Variants in C10orf90 observed in about 807,000 individuals in gnomAD.
C10orf90 encodes (E2-independent) E3 ubiquitin-conjugating enzyme FATS.
A neutral mutation model predicts 62.5 loss-of-function variants in C10orf90; 56 were observed. That is an observed-to-expected ratio of 0.90 (90% CI 0.72 to 1.12). The LOEUF is 1.12. Among genes scored for constraint, C10orf90 ranks in the 50% most tolerant of loss-of-function variants. The pLI is 0.00. For synonymous variants in C10orf90, 386 were observed against 340.4 expected, an observed-to-expected ratio of 1.13 and a Z score of -1.47; for missense variants, 970 against 880.4, an observed-to-expected ratio of 1.10 and a Z score of -1.29.
At chr10:126,588,922 A>G (rs1564884041) in intron 2 of C10orf90, among the ~76,000 whole-genome samples, 1 of 152,250 alleles carries the variant, frequency 6.6e-6, no homozygotes, top group African/African-American at 2.4e-5. Flanking sequence ...CTAAAGGAGC[A>G]TGTTGTAACC....
In C10orf90 at chr10:126,504,318, G is replaced by C. The variant is rs1862581714; in HGVS notation, c.1173C>G (p.Leu391=). 1.2e-6 allele frequency: 2 copies of C among 1,614,172 alleles called. No homozygotes were observed. Among genetic ancestry groups the C allele is most frequent in the Non-Finnish European group, 1.7e-6 (2 of 1,180,038 alleles). The change falls in exon 4 of 10, where the codon CTC becomes CTG. Residue 391 remains leucine, a synonymous_variant. Transcript: ENST00000488181. The surrounding 1 kb of genome is among the most constrained non-coding windows in gnomAD (Gnocchi z 4.1). ...CTGTTAATCTGTGGGAACTACAATT[G>C]AGGTTGAGCGACAGGACGGATCTGT... is the stretch of plus-strand genomic sequence containing the variant. ...KMHRSVLSLN[L]NCSSHRLTAD... is the part of the protein sequence containing the mutation.
intron 4 of C10orf90, 51 bp downstream of exon 4, chr10:126,503,906 T>C (rs1468289774): frequency 6.5e-7 from 1 of 1,550,306 alleles, no homozygotes; most frequent in Non-Finnish European, 8.7e-7. Context: ...ACAGTCACCT[T>C]GCTAGGACAT....
intron 4 of C10orf90, among the ~76,000 whole-genome samples, chr10:126,489,667 G>A (rs970700898): frequency 2.6e-5 from 4 of 151,894 alleles, no homozygotes; most frequent in Non-Finnish European, 4.4e-5. Flanking sequence ...CAGAATAACA[G>A]TTCCTCAAAA....
At chr10:126,637,555 G>A (rs988783812) in intron 2 of C10orf90, among the ~76,000 whole-genome samples, 10 of 152,198 alleles carry the variant, frequency 6.6e-5, no homozygotes, top group African/African-American at 1.9e-4. Context: ...GCACAGCAGG[G>A]GAGAGAAAGG....
intron 1 of C10orf90, among the ~76,000 whole-genome samples, chr10:126,665,927 G>T (rs1360166591): frequency 6.6e-6 from 1 of 152,144 alleles, no homozygotes; most frequent in Non-Finnish European, 1.5e-5. Flanking sequence ...ACCAAGAAAA[G>T]AACTTCCAGA....
chr10:126,624,061 A>C (rs375664292), intron 2 of C10orf90, among the ~76,000 whole-genome samples: 27 of 152,226 alleles, frequency 1.8e-4, no homozygotes, highest in African/African-American at 6.5e-4. Context: ...TCAGAATCCA[A>C]CTGGGGCCTA....
At chr10:126,637,907 T>A (rs1256145843) in intron 2 of C10orf90, among the ~76,000 whole-genome samples, 4 of 152,036 alleles carry the variant, frequency 2.6e-5, no homozygotes, top group African/African-American at 9.7e-5. Flanking sequence ...ATGAGGAAGG[T>A]ACAGTTGGGC....
intron 2 of C10orf90, among the ~76,000 whole-genome samples, chr10:126,622,333 C>T (rs942664541): frequency 6.6e-6 from 1 of 152,072 alleles, no homozygotes; most frequent in Non-Finnish European, 1.5e-5. Flanking sequence ...TTCCAATCTT[C>T]ATCACCCCTG....
chr10:126,555,955 C>T (rs1227052787), intron 2 of C10orf90, among the ~76,000 whole-genome samples: 1 of 152,140 alleles, frequency 6.6e-6, no homozygotes, highest in Non-Finnish European at 1.5e-5. Flanking sequence ...CTTTAACCTG[C>T]CATAAATCTC....
At chr10:126,426,761 C>T (rs1857288780) in intron 8 of C10orf90, among the ~76,000 whole-genome samples, 1 of 152,100 alleles carries the variant, frequency 6.6e-6, no homozygotes, top group Non-Finnish European at 1.5e-5. Flanking sequence ...GATTGCTGTA[C>T]GTGTGGCACT....
chr10:126,444,139 C>G (rs1317798817), intron 7 of C10orf90, among the ~76,000 whole-genome samples: 1 of 152,184 alleles, frequency 6.6e-6, no homozygotes, highest in East Asian at 1.9e-4. Flanking sequence ...GCTCACCACT[C>G]CTCTTCAACA....
At chr10:126,465,625 A>T (rs1314677926) in intron 4 of C10orf90, among the ~76,000 whole-genome samples, 1 of 152,216 alleles carries the variant, frequency 6.6e-6, no homozygotes, top group Non-Finnish European at 1.5e-5. Context: ...ATACAGAGAT[A>T]GGAAACAATT....
intron 1 of C10orf90, among the ~76,000 whole-genome samples, chr10:126,650,749 GAC>G (rs1846275635): frequency 6.6e-6 from 1 of 152,138 alleles, no homozygotes; most frequent in African/African-American, 2.4e-5. Context: ...TGGTGACTAG[GAC>G]ACATAGATTT....
intron 4 of C10orf90, chr10:126,502,844 A>C (rs750280369): frequency 3.8e-6 from 2 of 522,834 alleles, no homozygotes; most frequent in Non-Finnish European, 7.8e-6. Flanking sequence ...TCTGTAAGAC[A>C]TGCATTTCAA....
rs553260177 is a variant in C10orf90 at position 126,478,410 on chromosome 10, G to C, written c.1535-13424C>G. ...CAAGAACAATGCAGTGCACAAACATGAGCCTTTGTTATAATTGACTCAGCC... is the reference window on the plus strand; with the variant it reads ...CAAGAACAATGCAGTGCACAAACATCAGCCTTTGTTATAATTGACTCAGCC... On this transcript the variant is annotated intron_variant, in intron 4 of 9. Transcript: ENST00000488181. 5.9e-5 allele frequency among the ~76,000 whole-genome samples: 9 copies of C among 152,312 alleles called. No individual in the cohort carries two copies. The South Asian group carries it at 1.9e-3, about 32-fold the overall frequency.
At chr10:126,669,455 G>T (rs887218763) in intron 1 of C10orf90, among the ~76,000 whole-genome samples, 1 of 152,190 alleles carries the variant, frequency 6.6e-6, no homozygotes. Flanking sequence ...CTTTTCATAA[G>T]GCATTAGCAA....
At chr10:126,623,021 A>C (rs1342774059) in intron 2 of C10orf90, among the ~76,000 whole-genome samples, 2 of 152,174 alleles carry the variant, frequency 1.3e-5, no homozygotes, top group African/African-American at 4.8e-5. Context: ...CCTCCATGGG[A>C]GATGTAGAAG....
chr10:126,662,571 T>C (rs1478081134), intron 1 of C10orf90, among the ~76,000 whole-genome samples: 1 of 152,054 alleles, frequency 6.6e-6, no homozygotes, highest in Non-Finnish European at 1.5e-5. Context: ...TCTGTTTAGG[T>C]TTTCCCTTCC....
chr10:126,513,961 T>G lies in C10orf90; in HGVS notation c.314-22A>C. 2.6e-6 allele frequency: 4 copies of G among 1,524,430 alleles called. No individual in the cohort carries two copies. In the South Asian group the frequency reaches 3.4e-5, roughly 13 times the overall value. The allele number at this position is 1,524,430 out of a possible 1,614,324, so 94.4% of individuals were successfully genotyped here. On this transcript the variant is annotated intron_variant, in intron 2 of 9. Coordinates refer to ENST00000488181, the MANE Select transcript of C10orf90 (RefSeq NM_001350921.2). Reference sequence around the variant, plus strand: ...AATCCTAGGCAAAAGAAGATAATATTGCTACTTTTTAGTATATAAAAGGAT... The same window carrying G: ...AATCCTAGGCAAAAGAAGATAATATGGCTACTTTTTAGTATATAAAAGGAT...
Sources: gnomAD v4.1 joint callset for allele counts (sites outside exome capture counted in the v4.1 genomes callset) on GRCh38, gnomAD v4.1.1 for gene constraint, Gnocchi (gnomAD v3.1) non-coding constraint, MANE v1.5 for transcripts, NCBI Gene and HGNC (gene_info 2026-07-23, HGNC 2026-07-21) for gene names.